DNAJC6: variants seen among roughly 807,000 people sequenced by gnomAD.
DNAJC6 encodes the protein auxilin.
A neutral mutation model predicts 110.0 loss-of-function variants in DNAJC6; 34 were observed. The observed-to-expected ratio is 0.31, with a 90% CI of 0.24 to 0.41. The LOEUF (loss-of-function observed/expected upper bound fraction) is 0.41. Among genes scored for constraint, DNAJC6 ranks in the 10% least tolerant of loss-of-function variants. The pLI, the probability that DNAJC6 is intolerant of heterozygous loss-of-function variation, is 1.00. For synonymous variants in DNAJC6, 406 were observed against 437.2 expected (o/e 0.93, Z 0.89); for missense variants, 1,031 against 1,207.8 (o/e 0.85, Z 2.17).
At chr1:65,407,289 A>T (rs1359837963) in intron 16 of DNAJC6, among the ~76,000 whole-genome samples, 2 of 152,148 alleles carry the variant, frequency 1.3e-5, no homozygotes, top group East Asian at 3.9e-4. Flanking sequence ...AGGGTCTGGT[A>T]CTATCTGCAG....
In DNAJC6 at chr1:65,412,665, A is replaced by G. The variant is rs370864097; in HGVS notation, c.2812-259A>G. 5.3e-5 allele frequency among the ~76,000 whole-genome samples: 8 copies of G among 152,250 alleles called. No individual in the cohort carries two copies. In the South Asian group the frequency reaches 1.7e-3, roughly 32 times the overall value. On this transcript the variant is annotated intron_variant, in intron 18 of 18. Coordinates refer to ENST00000371069, the MANE Select transcript of DNAJC6 (RefSeq NM_001256864.2). ...GCAGATACGTCTGGAGAACAGAGAT[A>G]CGTCTTGTGCTGCCTGATAAGCTCT...
chr1:65,407,682 C>T (rs544985353), intron 16 of DNAJC6, among the ~76,000 whole-genome samples: 22 of 152,220 alleles, frequency 1.4e-4, no homozygotes, highest in South Asian at 1.0e-3. Flanking sequence ...AGATGTGGGG[C>T]GAGTGACTTC....
chr1:65,408,732 T>G lies in DNAJC6; in HGVS notation c.2583T>G (p.Ala861=). The change falls in exon 17 of 19, where the codon GCT becomes GCG. Residue 861 remains alanine (A), a synonymous_variant. Coordinates refer to ENST00000371069, the MANE Select transcript of DNAJC6 (RefSeq NM_001256864.2). The part of the protein sequence containing the change: ...HKDKKGPRTI[A]EMRKEEMAKE... The stretch of plus-strand genomic sequence containing the variant: ...ACAAAAAGGGGCCTCGGACAATAGC[T>G]GAGATGAGAAAGGAGGAAATGGCCA... The G allele has an allele frequency of 6.2e-7, 1 of 1,613,946 alleles. No individual in the cohort carries two copies. The highest frequency in any genetic ancestry group is 1.7e-5 in the Admixed American group (1 of 60,004).
intron 15 of DNAJC6, among the ~76,000 whole-genome samples, chr1:65,403,174 G>A (rs1474758620): frequency 6.6e-6 from 1 of 152,202 alleles, no homozygotes; most frequent in East Asian, 1.9e-4. Flanking sequence ...CTTACTATGT[G>A]CCAGGCACTA....
At chr1:65,376,892 C>A (rs994171307) in intron 4 of DNAJC6, among the ~76,000 whole-genome samples, 1 of 152,172 alleles carries the variant, frequency 6.6e-6, no homozygotes, top group Non-Finnish European at 1.5e-5. Context: ...GCCTCAGCCT[C>A]CTGAGTAGCT....
intron 1 of DNAJC6, among the ~76,000 whole-genome samples, chr1:65,328,283 A>G (rs1244648064): frequency 6.6e-6 from 1 of 152,224 alleles, no homozygotes; most frequent in East Asian, 1.9e-4. Context: ...TTTATATTTC[A>G]TAACTACAGT....
At chr1:65,408,584 A>T in intron 16 of DNAJC6, 57 bp from the exon 17 acceptor site, 1 of 1,558,410 alleles carries the variant, frequency 6.4e-7, no homozygotes, top group Non-Finnish European at 8.7e-7. Flanking sequence ...TGAGATAATG[A>T]TACAGCATTA....
rs542868242 is a variant in DNAJC6, at chr1:65,409,714, G to A, written c.2634+931G>A. Among the ~76,000 whole-genome samples, 8 of 152,290 alleles carry A rather than the reference G, an allele frequency of 5.3e-5. No individual in the cohort carries two copies. In the South Asian group the frequency reaches 8.3e-4, roughly 16 times the overall value. On this transcript the variant is annotated intron_variant, in intron 17 of 18. Transcript: ENST00000371069. Reference sequence around the variant, plus strand: ...GTAGAGGAGAGAAAGGCTGAGGGAAGTGTGGCTCCTGTCTTCCCCATTGTC... The same window carrying A: ...GTAGAGGAGAGAAAGGCTGAGGGAAATGTGGCTCCTGTCTTCCCCATTGTC...
intron 1 of DNAJC6, among the ~76,000 whole-genome samples, chr1:65,323,857 C>T (rs1645217544): frequency 6.6e-6 from 1 of 152,152 alleles, no homozygotes; most frequent in South Asian, 2.1e-4. Context: ...TCCCAAAGTG[C>T]TGGGATTACA....
At chr1:65,408,346 A>C (rs1245582560) in intron 16 of DNAJC6, among the ~76,000 whole-genome samples, 1 of 152,190 alleles carries the variant, frequency 6.6e-6, no homozygotes, top group Non-Finnish European at 1.5e-5. Context: ...ATCTGGAGGG[A>C]TAATGAGTAT....
chr1:65,363,009 A>G (rs2101550024), intron 1 of DNAJC6, among the ~76,000 whole-genome samples: 1 of 152,362 alleles, frequency 6.6e-6, no homozygotes, highest in East Asian at 1.9e-4. Context: ...TAGAGGCCTC[A>G]GGAAACTTAC....
At chr1:65,331,038 G>A (rs927677067) in intron 1 of DNAJC6, among the ~76,000 whole-genome samples, 20 of 152,142 alleles carry the variant, frequency 1.3e-4, no homozygotes, top group African/African-American at 4.3e-4. Flanking sequence ...TCACATGGTC[G>A]TACCTGGCTG....
At chr1:65,264,883 C>T (rs756782689) in exon 1 of DNAJC6, 13 of 1,612,262 alleles carry the variant, frequency 8.1e-6, no homozygotes, top group East Asian at 4.5e-5. Context: ...CTTTCCTGCT[C>T]ATTTGCAGCA....
intron 1 of DNAJC6, chr1:65,298,786 T>A (rs2275225): frequency 2.0e-5 from 3 of 152,088 alleles, no homozygotes; most frequent in African/African-American, 7.2e-5. Flanking sequence ...GCCTTCCTCA[T>A]CTCAAATTCT....
chr1:65,377,616 C>T (rs1188246374), intron 4 of DNAJC6, among the ~76,000 whole-genome samples: 2 of 152,092 alleles, frequency 1.3e-5, no homozygotes, highest in African/African-American at 4.8e-5. Context: ...TGACATTTGC[C>T]CCACAGTCAT....
chr1:65,335,016 T>C (rs1645321963), intron 1 of DNAJC6, among the ~76,000 whole-genome samples: 3 of 152,208 alleles, frequency 2.0e-5, no homozygotes, highest in Admixed American at 1.3e-4. Context: ...TGCTGACCAA[T>C]TTATAGTTCA....
At chr1:65,376,817 T>G (rs891786653) in intron 4 of DNAJC6, among the ~76,000 whole-genome samples, 1 of 152,204 alleles carries the variant, frequency 6.6e-6, no homozygotes, top group African/African-American at 2.4e-5. Flanking sequence ...TTGCCTGGGC[T>G]AGAGTGCAAT....
intron 17 of DNAJC6, among the ~76,000 whole-genome samples, chr1:65,408,998 C>T (rs1646102712): frequency 6.6e-6 from 1 of 151,936 alleles, no homozygotes; most frequent in Non-Finnish European, 1.5e-5. Context: ...AAGGTGCCAG[C>T]CATTTTGGTG....
intron 1 of DNAJC6, among the ~76,000 whole-genome samples, chr1:65,330,427 TAACAG>T (rs1379495266): frequency 6.6e-6 from 1 of 152,206 alleles, no homozygotes; most frequent in African/African-American, 2.4e-5. Context: ...AAGGCCATCA[TAACAG>T]TGGCTTAAGC....
Sources: gnomAD v4.1 joint callset for allele counts (sites outside exome capture counted in the v4.1 genomes callset) on GRCh38, gnomAD v4.1.1 for gene constraint, MANE v1.5 for transcripts, NCBI Gene and HGNC (gene_info 2026-07-23, HGNC 2026-07-21) for gene names.